Variants in FIG4 observed in about 807,000 individuals in gnomAD.
FIG4 encodes FIG4 phosphoinositide 5-phosphatase.
A neutral mutation model predicts 118.6 loss-of-function variants in FIG4; 112 were observed. That is an observed-to-expected ratio of 0.94 (90% CI 0.81 to 1.11). The LOEUF (loss-of-function observed/expected upper bound fraction) is 1.11. Ranked by LOEUF, FIG4 falls within the 50% of genes least tolerant of loss-of-function variation. FIG4 has a pLI of 0.00. For synonymous variants in FIG4, 369 were observed against 381.2 expected (o/e 0.97, Z 0.37); for missense variants, 969 against 1,111.7 (o/e 0.87, Z 1.83).
At chr6:109,815,070 G>C (rs1473866439) in intron 22 of FIG4, among the ~76,000 whole-genome samples, 1 of 151,876 alleles carries the variant, frequency 6.6e-6, no homozygotes, top group African/African-American at 2.4e-5. Flanking sequence ...AAATCCATAA[G>C]TTCATACTGA....
At chr6:109,808,162 A>G (rs1778619138) in intron 22 of FIG4, among the ~76,000 whole-genome samples, 2 of 152,102 alleles carry the variant, frequency 1.3e-5, no homozygotes. Flanking sequence ...AGCAGCTGTC[A>G]CCAAAGGAAG....
intron 21 of FIG4, among the ~76,000 whole-genome samples, chr6:109,794,835 G>A (rs1295100476): frequency 6.6e-6 from 1 of 152,174 alleles, no homozygotes. Context: ...CAGAACCAGT[G>A]GAGAAGGGAA....
chr6:109,761,606 C>T (rs1242380780), intron 11 of FIG4, among the ~76,000 whole-genome samples: 2 of 152,162 alleles, frequency 1.3e-5, no homozygotes, highest in East Asian at 1.9e-4. Flanking sequence ...AGTCTGGTCT[C>T]GAACTCCTGA....
chr6:109,746,581 A>T (rs1776506207), intron 10 of FIG4, among the ~76,000 whole-genome samples: 2 of 152,096 alleles, frequency 1.3e-5, no homozygotes, highest in African/African-American at 4.8e-5. Context: ...TGAGGACAAG[A>T]TGCTTGTTTT....
intron 14 of FIG4, among the ~76,000 whole-genome samples, chr6:109,765,845 C>T (rs759278891): frequency 9.9e-5 from 15 of 152,182 alleles, no homozygotes; most frequent in South Asian, 2.1e-4. Flanking sequence ...TACTGGTCAT[C>T]GGAAATTGTC....
intron 7 of FIG4, 126 bp from the exon 8 acceptor site, chr6:109,741,318 G>C: frequency 1.3e-6 from 1 of 772,244 alleles, no homozygotes. Context: ...CCATTCTTGG[G>C]TGGAGCTTTT....
chr6:109,691,439 C>T lies in FIG4; in HGVS notation c.4C>T (p.Pro2Ser), dbSNP rs1266219054. 6.3e-7 allele frequency: 1 copy of T among 1,579,026 alleles called. No individual in the cohort carries two copies. The highest frequency in any genetic ancestry group is 8.6e-7 in the Non-Finnish European group (1 of 1,162,154). M[P>S]TAAAPIISSV... ...GGGGCCCCCATTTGCCGCCGCCATGCCCACGGCCGCCGCCCCCATCATCAG... is the reference window on the plus strand; with the variant it reads ...GGGGCCCCCATTTGCCGCCGCCATGTCCACGGCCGCCGCCCCCATCATCAG... Residue 2 changes from proline (P) to serine (S), a missense_variant, in exon 1 of 23, where the codon CCC (proline) becomes TCC (serine). Transcript: ENST00000230124.
intron 7 of FIG4, among the ~76,000 whole-genome samples, chr6:109,738,833 CAG>C (rs149080318): frequency 1.3e-5 from 2 of 151,742 alleles, no homozygotes; most frequent in African/African-American, 4.8e-5. Context: ...TCAGGCCGAG[CAG>C]AGAGAGAGAG....
At chr6:109,820,135 A>C (rs140456045) in intron 22 of FIG4, among the ~76,000 whole-genome samples, 2,357 of 152,224 alleles carry the variant, frequency 0.015, 48 homozygotes, top group African/African-American at 0.055. Context: ...GCAGAGAAAA[A>C]AACCAGCCCT....
chr6:109,732,691 A>G lies in FIG4; in HGVS notation c.497+4A>G. On this transcript the variant is annotated splice_donor_region_variant and intron_variant, in intron 5 of 22. Transcript: ENST00000230124. Reference sequence around the variant, plus strand: ...TATCTAGCAATTTTTACTTTAGGTAAGTGTGAGGTTAGTTTTGCTCCTATC... The same window carrying G: ...TATCTAGCAATTTTTACTTTAGGTAGGTGTGAGGTTAGTTTTGCTCCTATC... 6.5e-7 allele frequency: 1 copy of G among 1,534,714 alleles called. No homozygotes were observed. Among genetic ancestry groups the G allele is most frequent in the Non-Finnish European group, 9.0e-7 (1 of 1,115,338 alleles).
intron 13 of FIG4, 95 bp downstream of exon 13, chr6:109,764,077 T>C: frequency 1.3e-6 from 1 of 783,780 alleles, no homozygotes; most frequent in Non-Finnish European, 2.2e-6. Context: ...CTGTATCTTA[T>C]TTAATGCAGA....
At chr6:109,743,602 AAC>A in intron 9 of FIG4, 71 bp from the exon 10 acceptor site, 1 of 1,193,870 alleles carries the variant, frequency 8.4e-7, no homozygotes, top group East Asian at 2.3e-5. Flanking sequence ...TCTTTAAAAA[AAC>A]AACCCTATGC....
chr6:109,767,053 A>G (rs1004370630), intron 15 of FIG4, among the ~76,000 whole-genome samples, 158 bp downstream of exon 15: 1 of 152,260 alleles, frequency 6.6e-6, no homozygotes, highest in Admixed American at 6.5e-5. Context: ...ATATTTGTCC[A>G]ATAAATGAAT....
chr6:109,722,561 A>AT (rs1394568907), intron 3 of FIG4, among the ~76,000 whole-genome samples: 1 of 152,030 alleles, frequency 6.6e-6, no homozygotes, highest in Non-Finnish European at 1.5e-5. Context: ...AACAAAGGGA[A>AT]TGTATGTGTA....
At chr6:109,768,797 G>T (rs767532886) in intron 15 of FIG4, among the ~76,000 whole-genome samples, 2 of 152,130 alleles carry the variant, frequency 1.3e-5, no homozygotes, top group South Asian at 4.1e-4. Context: ...CAAACACGGG[G>T]GAAATCCACA....
intron 21 of FIG4, among the ~76,000 whole-genome samples, chr6:109,792,920 A>C (rs1467819655): frequency 6.6e-6 from 1 of 151,950 alleles, no homozygotes; most frequent in African/African-American, 2.4e-5. Context: ...CAAACTCCTG[A>C]GCTCAGGCAA....
intron 4 of FIG4, among the ~76,000 whole-genome samples, chr6:109,731,921 G>A (rs951772758): frequency 1.3e-5 from 2 of 152,090 alleles, no homozygotes; most frequent in Non-Finnish European, 2.9e-5. Context: ...AAGTAGGACA[G>A]TATACAAAGT....
chr6:109,730,986 A>G (rs1221332863), intron 4 of FIG4, among the ~76,000 whole-genome samples: 1 of 152,200 alleles, frequency 6.6e-6, no homozygotes, highest in African/African-American at 2.4e-5. Context: ...AACAATGATT[A>G]TTATTTAGAA....
chr6:109,773,930 T>G (rs1470858455), intron 15 of FIG4, among the ~76,000 whole-genome samples: 1 of 152,158 alleles, frequency 6.6e-6, no homozygotes, highest in East Asian at 1.9e-4. Flanking sequence ...CTTTCCAGCC[T>G]TCCAAGTAGC....
Sources: gnomAD v4.1 joint callset for allele counts (sites outside exome capture counted in the v4.1 genomes callset) on GRCh38, gnomAD v4.1.1 for gene constraint, MANE v1.5 for transcripts, NCBI Gene and HGNC (gene_info 2026-07-23, HGNC 2026-07-21) for gene names.